Variants in SGCD observed in about 807,000 individuals in gnomAD.
SGCD encodes the protein delta-sarcoglycan.
In SGCD, 18 loss-of-function variants were observed where a neutral mutation model predicts 36.6. The observed-to-expected ratio is 0.49, with a 90% CI of 0.34 to 0.73. The LOEUF is 0.73. SGCD is among the 30% of genes least tolerant of loss of function. SGCD has a pLI of 0.01. For missense variants in SGCD, 387 were observed against 346.7 expected (o/e 1.12, Z -0.92); for synonymous variants, 133 against 130.6 (o/e 1.02, Z -0.12).
chr5:156,531,064 T>C (rs1424977429), intron 4 of SGCD, among the ~76,000 whole-genome samples: 1 of 152,204 alleles, frequency 6.6e-6, no homozygotes, highest in Non-Finnish European at 1.5e-5. Context: ...CCTTTAGGAA[T>C]TGATGAGGTC....
intron 1 of SGCD, among the ~76,000 whole-genome samples, chr5:156,101,901 G>GCT (rs1554119759): frequency 3.3e-5 from 3 of 90,968 alleles, no homozygotes; most frequent in Non-Finnish European, 6.9e-5. Context: ...GGTGTCTCCA[G>GCT]CTGTGTGTGT....
intron 1 of SGCD, among the ~76,000 whole-genome samples, chr5:155,929,315 C>T (rs2113388040): frequency 6.6e-6 from 1 of 152,292 alleles, no homozygotes; most frequent in African/African-American, 2.4e-5. Flanking sequence ...GAGGGGATAA[C>T]TGCAGGAATT....
At chr5:156,106,540 T>A (rs1412974367) in intron 1 of SGCD, among the ~76,000 whole-genome samples, 1 of 152,206 alleles carries the variant, frequency 6.6e-6, no homozygotes, top group Non-Finnish European at 1.5e-5. Context: ...CCAACTTGAA[T>A]GAGTAGAAAA....
intron 3 of SGCD, among the ~76,000 whole-genome samples, chr5:156,424,275 T>G (rs954046003): frequency 6.6e-6 from 1 of 152,062 alleles, no homozygotes; most frequent in Non-Finnish European, 1.5e-5. Context: ...TTACTCTGCC[T>G]GTTACTGCAT....
At chr5:156,555,482 T>C (rs577744767) in intron 4 of SGCD, among the ~76,000 whole-genome samples, 12 of 152,182 alleles carry the variant, frequency 7.9e-5, no homozygotes, top group Non-Finnish European at 1.8e-4. Flanking sequence ...AGACTATTAT[T>C]TCTCCCACTG....
At chr5:156,297,410 T>C (rs977087896) in intron 3 of SGCD, among the ~76,000 whole-genome samples, 1 of 152,104 alleles carries the variant, frequency 6.6e-6, no homozygotes, top group Non-Finnish European at 1.5e-5. Context: ...TATGATAGAC[T>C]GGATTGAGAA....
chr5:155,901,862 T>TC (rs961346280), intron 1 of SGCD, among the ~76,000 whole-genome samples: 9 of 152,216 alleles, frequency 5.9e-5, no homozygotes, highest in African/African-American at 9.6e-5. Flanking sequence ...TGATGGTTTC[T>TC]CCCCACTTCA....
At chr5:155,731,186 AAGAG>A in the SGCD span, among the ~76,000 whole-genome samples, 1 of 151,738 alleles carries the variant, frequency 6.6e-6, no homozygotes, top group Non-Finnish European at 1.5e-5. Flanking sequence ...CAGAGATAGA[AAGAG>A]AGAGGGAGGG....
At chr5:156,622,047 A>G (rs1321132754) in intron 6 of SGCD, among the ~76,000 whole-genome samples, 1 of 152,228 alleles carries the variant, frequency 6.6e-6, no homozygotes, top group African/African-American at 2.4e-5. Context: ...TTTTCTTTAA[A>G]TAATTATTGA....
chr5:156,611,278 C>A (rs1251473989), intron 6 of SGCD, among the ~76,000 whole-genome samples: 2 of 152,206 alleles, frequency 1.3e-5, no homozygotes, highest in African/African-American at 4.8e-5. Context: ...AGGTGTGGCA[C>A]TCCCTTAAGG....
intron 1 of SGCD, among the ~76,000 whole-genome samples, chr5:155,902,249 G>A (rs907689916): frequency 3.3e-5 from 5 of 152,008 alleles, no homozygotes; most frequent in South Asian, 2.1e-4. Flanking sequence ...GTGAAGATTC[G>A]GGAAATAAGA....
intron 6 of SGCD, among the ~76,000 whole-genome samples, chr5:156,615,069 G>A (rs1455414448): frequency 2.0e-5 from 3 of 152,192 alleles, no homozygotes; most frequent in African/African-American, 7.2e-5. Flanking sequence ...GCAAGATGAG[G>A]CATGATGTAG....
intron 3 of SGCD, among the ~76,000 whole-genome samples, chr5:156,476,483 TAC>T (rs1161208519): frequency 1.3e-5 from 2 of 152,168 alleles, no homozygotes; most frequent in African/African-American, 4.8e-5. Context: ...CAAATTCTAG[TAC>T]AGTCATTCTT....
intron 3 of SGCD, among the ~76,000 whole-genome samples, chr5:156,278,149 C>T (rs985595124): frequency 6.6e-6 from 1 of 151,982 alleles, no homozygotes; most frequent in Non-Finnish European, 1.5e-5. Context: ...ATATCAAGGT[C>T]CTGAGACAGA....
At chr5:156,027,468 A>G (rs1222346513) in intron 1 of SGCD, among the ~76,000 whole-genome samples, 1 of 152,208 alleles carries the variant, frequency 6.6e-6, no homozygotes, top group Non-Finnish European at 1.5e-5. Context: ...TATGGATCTG[A>G]CACTGATTCC....
At chr5:156,021,921 T>C (rs1398692764) in intron 1 of SGCD, among the ~76,000 whole-genome samples, 1 of 152,190 alleles carries the variant, frequency 6.6e-6, no homozygotes, top group African/African-American at 2.4e-5. Flanking sequence ...ATTTAAAGTG[T>C]ATAATTCATC....
At chr5:156,104,755 C>T (rs1761604680) in intron 1 of SGCD, among the ~76,000 whole-genome samples, 1 of 152,164 alleles carries the variant, frequency 6.6e-6, no homozygotes, top group African/African-American at 2.4e-5. Flanking sequence ...TTAGTTCTTT[C>T]TGGGCAAGTC....
chr5:155,898,096 A>T (rs1756307948), intron 1 of SGCD, among the ~76,000 whole-genome samples: 1 of 152,192 alleles, frequency 6.6e-6, no homozygotes, highest in Non-Finnish European at 1.5e-5. Flanking sequence ...TTGACACATT[A>T]TATCCCTTTC....
the SGCD span, among the ~76,000 whole-genome samples, chr5:155,793,523 T>A: frequency 2.0e-5 from 3 of 152,028 alleles, no homozygotes; most frequent in Non-Finnish European, 4.4e-5. Context: ...TCTGATTATA[T>A]AATAAAATGT....
Sources: allele counts gnomAD v4.1 joint callset (sites outside exome capture counted in the v4.1 genomes callset), GRCh38; gene constraint gnomAD v4.1.1; transcripts MANE v1.5; gene names NCBI Gene and HGNC (gene_info 2026-07-23, HGNC 2026-07-21).